SLC2A13: variants seen among roughly 807,000 people sequenced by gnomAD.
SLC2A13 encodes solute carrier family 2 member 13.
In SLC2A13, 32 loss-of-function variants were observed where a neutral mutation model predicts 64.4. That is an observed-to-expected ratio of 0.50 (90% confidence interval 0.37 to 0.67). The LOEUF (loss-of-function observed/expected upper bound fraction) is 0.67, where lower values mean the gene tolerates loss of function less well. Ranked by LOEUF, SLC2A13 falls within the 30% of genes least tolerant of loss-of-function variation. The pLI, the probability that SLC2A13 is intolerant of heterozygous loss-of-function variation, is 0.00. For missense variants in SLC2A13, 743 were observed against 829.2 expected, an observed-to-expected ratio of 0.90 and a Z score of 1.28; for synonymous variants, 338 against 327.1, an observed-to-expected ratio of 1.03 and a Z score of -0.36.
chr12:39,873,707 A>G (rs1362520645), intron 4 of SLC2A13, among the ~76,000 whole-genome samples: 2 of 152,224 alleles, frequency 1.3e-5, no homozygotes, highest in African/African-American at 4.8e-5. Context: ...TGAAATCACA[A>G]GTGTTAAATG....
At chr12:40,042,638 G>C (rs545309676) in intron 2 of SLC2A13, among the ~76,000 whole-genome samples, 25 of 152,018 alleles carry the variant, frequency 1.6e-4, no homozygotes, top group South Asian at 4.2e-4. Context: ...CCCTTCCCTA[G>C]AGCCCAGTGA....
chr12:40,062,213 A>G (rs1334037759), intron 1 of SLC2A13, among the ~76,000 whole-genome samples: 1 of 152,154 alleles, frequency 6.6e-6, no homozygotes, highest in Non-Finnish European at 1.5e-5. Context: ...TAAGTTTTTA[A>G]GAGATCAGAT....
At chr12:39,773,062 G>C (rs1940642258) in intron 7 of SLC2A13, among the ~76,000 whole-genome samples, 1 of 152,182 alleles carries the variant, frequency 6.6e-6, no homozygotes, top group Non-Finnish European at 1.5e-5. Context: ...ATATCCTCAT[G>C]CTTTCCTGGC....
chr12:39,991,569 T>G (rs1301566520), intron 3 of SLC2A13, among the ~76,000 whole-genome samples: 1 of 152,198 alleles, frequency 6.6e-6, no homozygotes, highest in Non-Finnish European at 1.5e-5. Flanking sequence ...GTTTGGGATG[T>G]GAGGAAGACC....
chr12:39,759,987 C>G lies in SLC2A13; in HGVS notation c.*39G>C, dbSNP rs765259061. 1 of 1,512,822 alleles carries G rather than the reference C, an allele frequency of 6.6e-7. No homozygotes were observed. The highest frequency in any genetic ancestry group is 9.2e-7 in the Non-Finnish European group (1 of 1,092,256). 93.7% of individuals were successfully genotyped at this position (1,512,822 alleles called of 1,614,324 possible). Reference sequence around the variant, plus strand: ...TCACCAATTGCTGTTCTTCTCCCCCCAGTTTGTTTAAATAACTAAATATAT... The same window carrying G: ...TCACCAATTGCTGTTCTTCTCCCCCGAGTTTGTTTAAATAACTAAATATAT... On this transcript the variant is annotated 3_prime_UTR_variant, in exon 10 of 10. Coordinates refer to ENST00000280871, the MANE Select transcript of SLC2A13 (RefSeq NM_052885.4).
chr12:40,101,381 G>A (rs1309290891), intron 1 of SLC2A13, among the ~76,000 whole-genome samples: 10 of 151,926 alleles, frequency 6.6e-5, no homozygotes, highest in East Asian at 3.9e-4. Flanking sequence ...TGCTATCTTC[G>A]CCTTTGTCAA....
At chr12:40,058,458 G>C (rs996487776) in intron 1 of SLC2A13, among the ~76,000 whole-genome samples, 1 of 152,058 alleles carries the variant, frequency 6.6e-6, no homozygotes, top group African/African-American at 2.4e-5. Flanking sequence ...GAAACAAAAA[G>C]TCTGTTTTTT....
intron 7 of SLC2A13, among the ~76,000 whole-genome samples, chr12:39,779,549 A>C (rs775514362): frequency 2.0e-5 from 3 of 152,202 alleles, no homozygotes; most frequent in Non-Finnish European, 4.4e-5. Context: ...TAGCTCAATA[A>C]ATGTAAATGT....
intron 1 of SLC2A13, among the ~76,000 whole-genome samples, chr12:40,073,335 G>T (rs1410024474): frequency 6.6e-6 from 1 of 151,952 alleles, no homozygotes; most frequent in Non-Finnish European, 1.5e-5. Flanking sequence ...AAAATACTGG[G>T]GGGAAATGAA....
At chr12:40,051,148 T>C (rs1438413709) in intron 1 of SLC2A13, among the ~76,000 whole-genome samples, 1 of 152,086 alleles carries the variant, frequency 6.6e-6, no homozygotes, top group Non-Finnish European at 1.5e-5. Context: ...ATCAAGTAAA[T>C]AACTTCAAAA....
chr12:39,994,207 AC>A (rs1292732539), intron 3 of SLC2A13, among the ~76,000 whole-genome samples: 4 of 151,982 alleles, frequency 2.6e-5, no homozygotes, highest in African/African-American at 9.7e-5. Context: ...GGACAGTGAA[AC>A]CCCATCTCTA....
intron 2 of SLC2A13, among the ~76,000 whole-genome samples, chr12:40,045,077 T>C (rs544355059): frequency 1.1e-3 from 163 of 152,274 alleles, no homozygotes; most frequent in Non-Finnish European, 2.0e-3. Flanking sequence ...TAGGATCAAA[T>C]GGTATTTGCT....
rs114357861 is a variant in SLC2A13 at position 39,776,500 on chromosome 12, T to C, written c.1446-11642A>G. Among the ~76,000 whole-genome samples the C allele has an allele frequency of 3.1e-3, 472 of 152,296 alleles. 5 individuals are homozygous for C. The highest frequency in any genetic ancestry group is 0.011 in the African/African-American group (462 of 41,562). On this transcript the variant is annotated intron_variant, in intron 7 of 9. Coordinates refer to ENST00000280871, the MANE Select transcript of SLC2A13 (RefSeq NM_052885.4). ...GATGTGGCATATGGTTTATATTCTC[T>C]GAGAAGTCAGAATATGAAATATTGA...
At chr12:39,925,030 A>ATTTTTTTT (rs58902176) in intron 4 of SLC2A13, among the ~76,000 whole-genome samples, 1 of 119,128 alleles carries the variant, frequency 8.4e-6, no homozygotes, top group Non-Finnish European at 1.7e-5. Context: ...CATACAGATA[A>ATTTTTTTT]TTTTTTTTTT....
Position 40,106,045 on chromosome 12 carries a change from C to T in SLC2A13, c.-237G>A. 1 of 379,648 alleles carries T rather than the reference C, an allele frequency of 2.6e-6. No individual in the cohort carries two copies. The highest frequency in any genetic ancestry group is 4.5e-6 in the Non-Finnish European group (1 of 221,172). The allele number at this position is 379,648 out of a possible 1,614,324, so 23.5% of individuals were successfully genotyped here. ...CCCGGCGGGTCTCACTCCACACTCA[C>T]GCCCCGCGCCTGCCGAGCTGGCGCT... is the stretch of plus-strand genomic sequence containing the variant. On this transcript the variant is annotated 5_prime_UTR_variant, in exon 1 of 10. In the 5' UTR this introduces an upstream ATG that the reference lacks. Transcript: ENST00000280871.
At chr12:39,821,935 A>G (rs938553588) in intron 7 of SLC2A13, among the ~76,000 whole-genome samples, 2 of 152,202 alleles carry the variant, frequency 1.3e-5, no homozygotes, top group African/African-American at 2.4e-5. Context: ...TTTTATTATT[A>G]TACTTTAAGT....
At position 39,776,364 on chromosome 12, in the gene SLC2A13, GC is replaced by G. The variant is rs1457723202; in HGVS notation, c.1446-11507del. ...CAAGCACAAGTGGTAGTGCTCCCCT[GC>G]AAAACCTGCCTGCCTGGCCATAACT... On this transcript the variant is annotated intron_variant, in intron 7 of 9. Transcript: ENST00000280871. Among the ~76,000 whole-genome samples the G allele has an allele frequency of 2.6e-5, 4 of 152,156 alleles. No homozygotes were observed. The East Asian group carries it at 7.7e-4, about 29-fold the overall frequency.
chr12:39,815,914 T>C (rs1280076475), intron 7 of SLC2A13, among the ~76,000 whole-genome samples: 1 of 152,238 alleles, frequency 6.6e-6, no homozygotes, highest in Non-Finnish European at 1.5e-5. Context: ...TCAGAGCCAG[T>C]GACATTATGA....
intron 2 of SLC2A13, among the ~76,000 whole-genome samples, chr12:40,030,855 G>T (rs1186723633): frequency 6.6e-6 from 1 of 152,154 alleles, no homozygotes; most frequent in African/African-American, 2.4e-5. Context: ...CCCACCTTTT[G>T]AAATCTGTGC....
Sources: gnomAD v4.1 joint callset for allele counts (sites outside exome capture counted in the v4.1 genomes callset) on GRCh38, gnomAD v4.1.1 for gene constraint, MANE v1.5 for transcripts, NCBI Gene and HGNC (gene_info 2026-07-23, HGNC 2026-07-21) for gene names.